SERGEF: variants seen among roughly 807,000 people sequenced by gnomAD.
SERGEF encodes the protein secretion-regulating guanine nucleotide exchange factor.
A neutral mutation model predicts 50.0 loss-of-function variants in SERGEF; 51 were observed. That is an observed-to-expected ratio of 1.02 (90% confidence interval 0.81 to 1.29). SERGEF has a LOEUF of 1.29. SERGEF is among the 50% of genes most tolerant of loss of function. The probability of loss-of-function intolerance (pLI) is 0.00; values close to 1 mark genes in which losing one functional copy is unlikely to be tolerated. For missense variants in SERGEF, 521 were observed against 557.0 expected (o/e 0.94, Z 0.65); for synonymous variants, 205 against 212.4 (o/e 0.97, Z 0.30).
intron 9 of SERGEF, among the ~76,000 whole-genome samples, chr11:17,910,536 G>A (rs976296991): frequency 6.6e-6 from 1 of 152,176 alleles, no homozygotes; most frequent in African/African-American, 2.4e-5. Flanking sequence ...TTATAGCCAT[G>A]AGCCATCATG....
intron 9 of SERGEF, among the ~76,000 whole-genome samples, chr11:17,931,344 CAT>C (rs985789528): frequency 3.3e-5 from 5 of 152,154 alleles, no homozygotes; most frequent in African/African-American, 1.2e-4. Flanking sequence ...ACTTCACAAA[CAT>C]GTAATGCCAC....
intron 10 of SERGEF, among the ~76,000 whole-genome samples, chr11:17,841,572 C>T (rs1365264749): frequency 1.3e-5 from 2 of 152,170 alleles, no homozygotes; most frequent in Admixed American, 1.3e-4. Context: ...TTGCCACATC[C>T]ACTTTTGCAC....
At chr11:17,904,319 A>G (rs1851800482) in intron 9 of SERGEF, among the ~76,000 whole-genome samples, 1 of 152,226 alleles carries the variant, frequency 6.6e-6, no homozygotes, top group African/African-American at 2.4e-5. Context: ...TGAATGGTTG[A>G]GGACTAAAGT....
intron 10 of SERGEF, among the ~76,000 whole-genome samples, chr11:17,848,886 G>A (rs1850664519): frequency 1.3e-5 from 2 of 152,290 alleles, no homozygotes; most frequent in East Asian, 3.9e-4. Flanking sequence ...TATAAATGAG[G>A]AGATAAGGCC....
intron 9 of SERGEF, among the ~76,000 whole-genome samples, chr11:17,893,341 A>G (rs564289946): frequency 3.3e-5 from 5 of 152,200 alleles, no homozygotes. Context: ...TTGCTTCTTC[A>G]TTGTAAAATG....
intron 9 of SERGEF, among the ~76,000 whole-genome samples, chr11:17,932,922 T>G (rs1852382707): frequency 6.6e-6 from 1 of 152,174 alleles, no homozygotes. Flanking sequence ...TAATAAAAAG[T>G]GCTCATGATG....
chr11:17,956,685 G>A (rs535449456), intron 9 of SERGEF, among the ~76,000 whole-genome samples: 1 of 152,028 alleles, frequency 6.6e-6, no homozygotes, highest in Non-Finnish European at 1.5e-5. Context: ...TGAGACACCA[G>A]ACAATTCACT....
chr11:17,879,840 T>C (rs1329647419), intron 9 of SERGEF, among the ~76,000 whole-genome samples: 2 of 152,168 alleles, frequency 1.3e-5, no homozygotes, highest in South Asian at 2.1e-4. Flanking sequence ...AGTAAACATA[T>C]ACAATTTTAT....
At chr11:17,917,824 G>T (rs984010925) in intron 9 of SERGEF, among the ~76,000 whole-genome samples, 1 of 152,190 alleles carries the variant, frequency 6.6e-6, no homozygotes, top group Non-Finnish European at 1.5e-5. Flanking sequence ...ATCAGATTCT[G>T]CATTTTAATG....
At chr11:17,957,958 A>G (rs1259067690) in intron 9 of SERGEF, among the ~76,000 whole-genome samples, 2 of 152,230 alleles carry the variant, frequency 1.3e-5, no homozygotes, top group Non-Finnish European at 2.9e-5. Flanking sequence ...GGAGATGTGT[A>G]TACACAAAAA....
At chr11:17,874,889 C>T (rs1851213295) in intron 10 of SERGEF, among the ~76,000 whole-genome samples, 1 of 151,534 alleles carries the variant, frequency 6.6e-6, no homozygotes, top group Non-Finnish European at 1.5e-5. Flanking sequence ...CCTACCCTGG[C>T]CTCAGGCTTA....
chr11:17,955,890 T>C (rs115337018), intron 9 of SERGEF, among the ~76,000 whole-genome samples: 164 of 152,308 alleles, frequency 1.1e-3, no homozygotes, highest in African/African-American at 3.8e-3. Context: ...AGTTAGCAGC[T>C]AGGGATTAGA....
chr11:17,802,592 C>G (rs946478159), intron 10 of SERGEF, among the ~76,000 whole-genome samples: 4 of 152,220 alleles, frequency 2.6e-5, no homozygotes, highest in African/African-American at 9.7e-5. Flanking sequence ...CCACTGCTGC[C>G]ACTCGCGTCC....
intron 9 of SERGEF, among the ~76,000 whole-genome samples, chr11:17,949,599 A>G (rs1352586808): frequency 6.6e-6 from 1 of 152,112 alleles, no homozygotes; most frequent in Non-Finnish European, 1.5e-5. Flanking sequence ...AGAGAGATCT[A>G]GCTGTCTGGA....
At chr11:17,930,459 C>T (rs1023694896) in intron 9 of SERGEF, among the ~76,000 whole-genome samples, 5 of 152,132 alleles carry the variant, frequency 3.3e-5, no homozygotes. Context: ...GACCAAGGTA[C>T]AATACTAGGC....
chr11:17,788,311 G>A lies in SERGEF; in HGVS notation c.1151C>T (p.Ser384Leu), dbSNP rs758465478. 4.3e-6 allele frequency: 7 copies of A among 1,614,224 alleles called. No individual in the cohort carries two copies. Among genetic ancestry groups the A allele is most frequent in the African/African-American group, 1.3e-5 (1 of 75,066 alleles). Reference sequence around the variant, plus strand: ...CCCACAGCCCACAAGGAGTCCTGACGATGACAGCAGAGCCTGCACCGGCTT... The same window carrying A: ...CCCACAGCCCACAAGGAGTCCTGACAATGACAGCAGAGCCTGCACCGGCTT... ...APKPVQALLS[S>L]SGLLVGCGAG... The change falls in exon 11 of 11, where the codon TCG becomes TTG. Residue 384 changes from serine (S) to leucine (L), a missense_variant. Physicochemically the swap from Ser to Leu is moderately radical, Grantham distance 145 (BLOSUM62 -2). Coordinates refer to ENST00000265965, the MANE Select transcript of SERGEF (RefSeq NM_012139.4).
At chr11:17,848,392 G>C (rs989109252) in intron 10 of SERGEF, among the ~76,000 whole-genome samples, 3 of 152,186 alleles carry the variant, frequency 2.0e-5, no homozygotes, top group Non-Finnish European at 4.4e-5. Context: ...GGGATGAAAG[G>C]TATTTGTTAG....
At chr11:17,998,940 TTGTGG>T (rs945893480) in intron 5 of SERGEF, among the ~76,000 whole-genome samples, 5 of 152,122 alleles carry the variant, frequency 3.3e-5, no homozygotes, top group African/African-American at 1.2e-4. Flanking sequence ...GCCTCCTAGT[TTGTGG>T]TATTTTGTTA....
At chr11:17,971,878 A>T (rs1853255332) in intron 8 of SERGEF, among the ~76,000 whole-genome samples, 1 of 152,260 alleles carries the variant, frequency 6.6e-6, no homozygotes, top group Non-Finnish European at 1.5e-5. Context: ...AACATTCATG[A>T]TTCATGGGAA....
Sources: allele counts gnomAD v4.1 joint callset (sites outside exome capture counted in the v4.1 genomes callset), GRCh38; gene constraint gnomAD v4.1.1; transcripts MANE v1.5; gene names NCBI Gene and HGNC (gene_info 2026-07-23, HGNC 2026-07-21).